The following CDKL1 variants were observed in gnomAD, a reference collection of about 807,000 sequenced individuals.
CDKL1 encodes the protein cyclin-dependent kinase-like 1.
A neutral mutation model predicts 42.0 loss-of-function variants in CDKL1; 41 were observed. The observed-to-expected ratio is 0.98, with a 90% CI of 0.76 to 1.27. CDKL1 has a LOEUF of 1.27. Ranked by LOEUF, CDKL1 falls within the 50% of genes most tolerant of loss-of-function variation. The pLI is 0.00. For missense variants in CDKL1, 394 were observed against 428.4 expected (o/e 0.92, Z 0.71); for synonymous variants, 153 against 158.6 (o/e 0.96, Z 0.26).
intron 6 of CDKL1, 21 bp from the exon 7 acceptor site, chr14:50,339,050 A>C: frequency 1.3e-6 from 2 of 1,533,656 alleles, no homozygotes; most frequent in Non-Finnish European, 1.8e-6. Flanking sequence ...GAAAAGAAAA[A>C]GGTAAGTGAA....
At chr14:50,336,009 A>C (rs7148089) in intron 7 of CDKL1, 777,516 of 1,365,990 alleles carry the variant, frequency 0.57, 222,167 homozygotes, top group East Asian at 0.62. Context: ...TCCATAGCTT[A>C]AATATTTCTC....
intron 3 of CDKL1, among the ~76,000 whole-genome samples, chr14:50,349,824 A>G (rs2033844536): frequency 6.6e-6 from 1 of 152,022 alleles, no homozygotes; most frequent in Non-Finnish European, 1.5e-5. Flanking sequence ...GCTGGAGTGC[A>G]GTGGTGCTAT....
At chr14:50,378,964 T>C (rs2034823667) in intron 2 of CDKL1, among the ~76,000 whole-genome samples, 1 of 151,972 alleles carries the variant, frequency 6.6e-6, no homozygotes, top group South Asian at 2.1e-4. Context: ...AGATTCTGTC[T>C]CCTCAGCCAA....
intron 7 of CDKL1, chr14:50,336,144 GA>G: frequency 7.3e-7 from 1 of 1,365,244 alleles, no homozygotes; most frequent in South Asian, 1.1e-5. Context: ...TGATACGCTG[GA>G]GCCCATCTGT....
At chr14:50,332,823 G>C (rs951743147) in intron 8 of CDKL1, 7 of 618,208 alleles carry the variant, frequency 1.1e-5, no homozygotes, top group Non-Finnish European at 1.9e-5. Flanking sequence ...ATTTACACAT[G>C]ATAACAAATA....
At chr14:50,382,459 AT>A (rs989500791) in intron 2 of CDKL1, among the ~76,000 whole-genome samples, 1,705 of 149,810 alleles carry the variant, frequency 0.011, 32 homozygotes, top group African/African-American at 0.038. Context: ...TCAAAAAAAA[AT>A]TTTTTTTTTT....
At chr14:50,352,335 A>AAT (rs148438330) in intron 3 of CDKL1, among the ~76,000 whole-genome samples, 7,087 of 151,828 alleles carry the variant, frequency 0.047, 562 homozygotes, top group African/African-American at 0.16. Flanking sequence ...TATAAGAAAA[A>AAT]ATATATATAT....
chr14:50,362,672 A>G (rs2139461719), intron 2 of CDKL1, among the ~76,000 whole-genome samples: 1 of 152,242 alleles, frequency 6.6e-6, no homozygotes, highest in Middle Eastern at 3.4e-3. Flanking sequence ...ATTTGTGTCC[A>G]CACTCTGTAT....
chr14:50,386,797 A>C (rs1046174208), intron 2 of CDKL1, among the ~76,000 whole-genome samples: 2 of 151,878 alleles, frequency 1.3e-5, no homozygotes, highest in African/African-American at 4.8e-5. Context: ...GCAGTGGCTC[A>C]TGTCTGTAAT....
intron 3 of CDKL1, among the ~76,000 whole-genome samples, chr14:50,352,892 CT>C (rs1242910787): frequency 1.3e-5 from 2 of 152,230 alleles, no homozygotes; most frequent in African/African-American, 4.8e-5. Context: ...CTAGCTCATG[CT>C]TTCTTTGTAG....
rs2032703109 is a variant in CDKL1, at chr14:50,326,340, G to A, written c.*3734C>T. On this transcript the variant is annotated 3_prime_UTR_variant, in exon 10 of 10. Coordinates refer to ENST00000395834, the MANE Select transcript of CDKL1 (RefSeq NM_004196.7). ...ATGTAGATATTTAGAATCCTTTAAA[G>A]TTATTTGTACAACAGATGTTTTTAT... 7 of 794,052 alleles carry A rather than the reference G, an allele frequency of 8.8e-6. No individual in the cohort carries two copies. Among genetic ancestry groups the A allele is most frequent in the Admixed American group, 6.3e-5 (1 of 15,950 alleles). 49.2% of individuals were successfully genotyped at this position (794,052 alleles called of 1,614,324 possible).
chr14:50,397,284 G>C, upstream of CDKL1: 1 of 1,365,746 alleles, frequency 7.3e-7, no homozygotes, highest in South Asian at 1.1e-5. Context: ...GATCAGTGCT[G>C]CGGCGTCAGT....
intron 2 of CDKL1, chr14:50,376,508 TAATA>T (rs1382482616): frequency 2.3e-5 from 8 of 351,470 alleles, no homozygotes; most frequent in African/African-American, 1.7e-4. Context: ...GACCAGGAAA[TAATA>T]AATATTATGC....
At chr14:50,361,677 C>A (rs1400164606) in intron 2 of CDKL1, among the ~76,000 whole-genome samples, 3 of 152,230 alleles carry the variant, frequency 2.0e-5, no homozygotes, top group Non-Finnish European at 1.5e-5. Flanking sequence ...AGCGGCCACA[C>A]CTCTTAATAC....
chr14:50,363,093 C>T (rs1003594875), intron 2 of CDKL1: 4 of 327,974 alleles, frequency 1.2e-5, no homozygotes, highest in Non-Finnish European at 2.1e-5. Context: ...ACACTCACTG[C>T]GAAGGTCTGC....
Position 50,332,183 on chromosome 14 carries a change from A to G in CDKL1, c.966+79T>C, listed in dbSNP as rs765869425. The G allele has an allele frequency of 3.7e-6, 6 of 1,614,028 alleles. No individual in the cohort carries two copies. The African/African-American group carries it at 8.0e-5, about 22-fold the overall frequency. ...CTGGAATGAGGATGCTGGAGCTGAA[A>G]GCCACAACTGCCATCCTCAAGTCTA... On this transcript the variant is annotated intron_variant, in intron 9 of 9. Coordinates refer to ENST00000395834, the MANE Select transcript of CDKL1 (RefSeq NM_004196.7).
intron 9 of CDKL1, chr14:50,331,568 AGAAAGAC>A: frequency 6.0e-6 from 1 of 165,578 alleles, no homozygotes; most frequent in South Asian, 1.6e-4. Context: ...AGCTGCAAAG[AGAAAGAC>A]TAAGGCAAGA....
rs758138830 is a variant in CDKL1, at chr14:50,341,237, C to G, written c.455-5G>C. On this transcript the variant is annotated splice_region_variant and splice_polypyrimidine_tract_variant and intron_variant, in intron 5 of 9. Transcript: ENST00000395834. ...TATAGTAGTCACTCGGTCCAGCTAG[C>G]CAGTGATGGAACATGGAAAACAAAC... The G allele has an allele frequency of 2.5e-6, 4 of 1,585,012 alleles. No homozygotes were observed. Among genetic ancestry groups the G allele is most frequent in the Non-Finnish European group, 3.4e-6 (4 of 1,161,058 alleles).
intron 2 of CDKL1, among the ~76,000 whole-genome samples, chr14:50,393,475 T>C (rs2139557615): frequency 6.6e-6 from 1 of 152,356 alleles, no homozygotes; most frequent in African/African-American, 2.4e-5. Context: ...AAATATTTAT[T>C]AAGTATCTTT....
Sources: gnomAD v4.1 joint callset for allele counts (sites outside exome capture counted in the v4.1 genomes callset) on GRCh38, gnomAD v4.1.1 for gene constraint, MANE v1.5 for transcripts, NCBI Gene and HGNC (gene_info 2026-07-23, HGNC 2026-07-21) for gene names.